Variants in NIM1K observed in about 807,000 individuals in gnomAD.
The protein encoded by NIM1K is serine/threonine-protein kinase NIM1.
Under a neutral mutation model 37.1 loss-of-function variants are expected in NIM1K, and 35 were observed. The observed-to-expected ratio is 0.94, with a 90% CI of 0.72 to 1.25. The LOEUF is 1.25. NIM1K is among the 50% of genes most tolerant of loss of function. The probability of loss-of-function intolerance (pLI) is 0.00; values close to 1 mark genes in which losing one functional copy is unlikely to be tolerated. For synonymous variants in NIM1K, 234 were observed against 206.6 expected, an observed-to-expected ratio of 1.13 and a Z score of -1.14; for missense variants, 564 against 548.0, an observed-to-expected ratio of 1.03 and a Z score of -0.29.
rs529709885 is a variant in NIM1K at position 43,231,931 on chromosome 5, T to C, written c.-694-13151T>C. On this transcript the variant is annotated intron_variant, in intron 1 of 3. Transcript: ENST00000326035. The stretch of plus-strand genomic sequence containing the variant: ...GCCTCAGAAAACTCTCCTTCCTCCC[T>C]TCTCTCACCCACGTACCAGTGAACA... 9.0e-5 allele frequency: 86 copies of C among 953,822 alleles called. 1 individual carries two copies. The highest frequency in any genetic ancestry group is 1.3e-4 in the Admixed American group (7 of 54,822). 59.1% of individuals were successfully genotyped at this position (953,822 alleles called of 1,614,324 possible). A position where few individuals can be genotyped will look rare whatever the true frequency, so the allele number is the denominator to read the frequency against.
At chr5:43,234,334 T>C (rs1326698335) in intron 1 of NIM1K, among the ~76,000 whole-genome samples, 2 of 152,010 alleles carry the variant, frequency 1.3e-5, no homozygotes, top group Non-Finnish European at 2.9e-5. Flanking sequence ...TTATTACAAA[T>C]ATTATATTTT....
chr5:43,270,453 G>A (rs913066591), intron 2 of NIM1K, among the ~76,000 whole-genome samples: 2 of 152,150 alleles, frequency 1.3e-5, no homozygotes, highest in African/African-American at 2.4e-5. Flanking sequence ...AAGACATGGT[G>A]GGAAGGACTT....
intron 1 of NIM1K, among the ~76,000 whole-genome samples, chr5:43,201,617 T>A (rs1030773462): frequency 6.6e-5 from 10 of 152,148 alleles, no homozygotes; most frequent in South Asian, 4.1e-4. Context: ...CAAATATATT[T>A]TTTTTTGCTG....
intron 2 of NIM1K, among the ~76,000 whole-genome samples, chr5:43,258,232 A>G (rs184991361): frequency 6.6e-6 from 1 of 152,256 alleles, no homozygotes; most frequent in East Asian, 1.9e-4. Context: ...CAATTGTCCA[A>G]TTTTGAGTTT....
At chr5:43,233,007 C>T (rs183200214) in intron 1 of NIM1K, 3 of 1,193,446 alleles carry the variant, frequency 2.5e-6, no homozygotes, top group Admixed American at 1.7e-5. Flanking sequence ...TGCCGGAGCC[C>T]GTCTCACTGA....
At chr5:43,223,848 A>G (rs544256541) in intron 1 of NIM1K, among the ~76,000 whole-genome samples, 15 of 152,358 alleles carry the variant, frequency 9.8e-5, no homozygotes, top group African/African-American at 2.9e-4. Context: ...TGGCAGATCA[A>G]TGGGCTCAGG....
At chr5:43,225,432 C>T (rs957730451) in intron 1 of NIM1K, 1 of 151,854 alleles carries the variant, frequency 6.6e-6, no homozygotes, top group African/African-American at 2.4e-5. Flanking sequence ...TTAAGTTACT[C>T]GTAAGCAGTA....
In NIM1K at chr5:43,253,161, TATATA is replaced by T. The variant is rs931105669; in HGVS notation, c.292+7105_292+7109del. 4.8e-5 allele frequency among the ~76,000 whole-genome samples: 7 copies of T among 146,296 alleles called. No individual in the cohort carries two copies. In the South Asian group the frequency reaches 1.3e-3, roughly 27 times the overall value. On this transcript the variant is annotated intron_variant, in intron 2 of 3. Transcript: ENST00000326035. ...ACTGGCCTTCATTCCTTTATATATATATATAATATAATATATAATGTAATATATAA... is the reference window on the plus strand; with the variant it reads ...ACTGGCCTTCATTCCTTTATATATATATATAATATATAATGTAATATATAA...
chr5:43,276,991 G>A, intron 2 of NIM1K, 66 bp from the exon 3 acceptor site: 1 of 1,514,736 alleles, frequency 6.6e-7, no homozygotes. Flanking sequence ...AGCTGATCCA[G>A]GTCCTCTCCA....
intron 2 of NIM1K, among the ~76,000 whole-genome samples, chr5:43,262,828 A>C (rs1321933165): frequency 6.6e-6 from 1 of 152,016 alleles, no homozygotes; most frequent in Non-Finnish European, 1.5e-5. Flanking sequence ...GGGTTGTTGA[A>C]TTTTGTCAAA....
In NIM1K at chr5:43,280,325, C is replaced by A. The variant is rs573735157; in HGVS notation, c.907C>A (p.Arg303=). The A allele has an allele frequency of 6.2e-7, 1 of 1,614,140 alleles. No individual in the cohort carries two copies. Among genetic ancestry groups the A allele is most frequent in the Non-Finnish European group, 8.5e-7 (1 of 1,180,034 alleles). Residue 303 remains arginine, a synonymous_variant, in exon 4 of 4, where the codon CGA becomes AGA. Coordinates refer to ENST00000326035, the MANE Select transcript of NIM1K (RefSeq NM_153361.4). ...HVSEPCHRLI[R]GVLQQIPTER... is the part of the protein sequence containing the mutation. Reference sequence around the variant, plus strand: ...GTCAGAGCCCTGCCACCGACTCATCCGAGGAGTCCTTCAGCAGATCCCCAC... The same window carrying A: ...GTCAGAGCCCTGCCACCGACTCATCAGAGGAGTCCTTCAGCAGATCCCCAC...
Position 43,280,387 on chromosome 5 carries a change from A to G in NIM1K, c.969A>G (p.Glu323=). The change falls in exon 4 of 4, where the codon GAA becomes GAG. Residue 323 remains glutamate, a synonymous_variant. Transcript: ENST00000326035. ...GAATCGACTGCATCATGAATGATGA[A>G]TGGATGCAAGGGGTGCCATACCCTA... is the stretch of plus-strand genomic sequence containing the variant. ...RYGIDCIMND[E]WMQGVPYPTP... The G allele has an allele frequency of 6.2e-7, 1 of 1,614,140 alleles. No individual in the cohort carries two copies. Among genetic ancestry groups the G allele is most frequent in the South Asian group, 1.1e-5 (1 of 91,080 alleles).
intron 2 of NIM1K, among the ~76,000 whole-genome samples, chr5:43,265,438 T>C (rs573113556): frequency 6.6e-6 from 1 of 152,352 alleles, no homozygotes; most frequent in South Asian, 2.1e-4. Flanking sequence ...ATGCATCACA[T>C]AGTTCTTGTG....
intron 1 of NIM1K, among the ~76,000 whole-genome samples, chr5:43,224,169 G>A (rs1579965005): frequency 1.3e-5 from 2 of 151,704 alleles, no homozygotes; most frequent in Non-Finnish European, 2.9e-5. Context: ...CTCCCTGAGA[G>A]CTGGGATTAC....
At position 43,235,711 on chromosome 5, in the gene NIM1K, A is replaced by G. The variant is rs1020558947; in HGVS notation, c.-694-9371A>G. Among the ~76,000 whole-genome samples, 9 of 152,344 alleles carry G rather than the reference A, an allele frequency of 5.9e-5. No individual in the cohort carries two copies. In the East Asian group the frequency reaches 9.6e-4, roughly 16 times the overall value. On this transcript the variant is annotated intron_variant, in intron 1 of 3. Transcript: ENST00000326035. ...ATAAACTTGGGGACCACTGAATTAA[A>G]CAGACATTTGTTTGTGCGTGTGGTT...
At chr5:43,248,717 A>G (rs1336615020) in intron 2 of NIM1K, among the ~76,000 whole-genome samples, 2 of 152,040 alleles carry the variant, frequency 1.3e-5, no homozygotes, top group Non-Finnish European at 2.9e-5. Flanking sequence ...GGAGAGCCAG[A>G]GGTATAAGTT....
At chr5:43,257,894 T>TAAAACC (rs1163359939) in intron 2 of NIM1K, among the ~76,000 whole-genome samples, 2 of 152,114 alleles carry the variant, frequency 1.3e-5, no homozygotes, top group South Asian at 4.2e-4. Context: ...ACCCTGTCTT[T>TAAAACC]AAAACCAAAA....
In NIM1K at chr5:43,277,042, T is replaced by C. The variant is rs1041244069; in HGVS notation, c.293-15T>C. The C allele has an allele frequency of 1.2e-6, 2 of 1,611,518 alleles. No homozygotes were observed. Among genetic ancestry groups the C allele is most frequent in the South Asian group, 1.1e-5 (1 of 90,660 alleles). On this transcript the variant is annotated splice_polypyrimidine_tract_variant and intron_variant, in intron 2 of 3. Coordinates refer to ENST00000326035, the MANE Select transcript of NIM1K (RefSeq NM_153361.4). ...CTGTGAATTCTGGCACAATTTTTAC[T>C]TTTTTTCCTTGCAGAAAAGGTGGCC...
intron 2 of NIM1K, among the ~76,000 whole-genome samples, chr5:43,263,474 A>G (rs533313125): frequency 6.7e-6 from 1 of 148,768 alleles, no homozygotes; most frequent in Non-Finnish European, 1.5e-5. Context: ...ATCATTTTTT[A>G]TTGCCTCTAT....
Sources: allele counts gnomAD v4.1 joint callset (sites outside exome capture counted in the v4.1 genomes callset), GRCh38; gene constraint gnomAD v4.1.1; transcripts MANE v1.5; gene names NCBI Gene and HGNC (gene_info 2026-07-23, HGNC 2026-07-21).